SYN3: variants seen among roughly 807,000 people sequenced by gnomAD.
SYN3 encodes the protein synapsin III, also known as synapsin-3.
A neutral mutation model predicts 65.8 loss-of-function variants in SYN3; 35 were observed. The ratio of observed to expected loss-of-function variants is 0.53; its 90% confidence interval spans 0.41 to 0.70. The LOEUF is 0.70. Ranked by LOEUF, SYN3 falls within the 30% of genes least tolerant of loss-of-function variation. SYN3 has a pLI of 0.00. For missense variants in SYN3, 680 were observed against 749.0 expected (o/e 0.91, Z 1.08); for synonymous variants, 270 against 292.9 (o/e 0.92, Z 0.80).
At position 32,554,812 on chromosome 22, in the gene SYN3, C is replaced by CA. The variant is rs200396044; in HGVS notation, c.775-13100dup. Among the ~76,000 whole-genome samples the CA allele has an allele frequency of 4.8e-3, 724 of 151,932 alleles. 3 individuals are homozygous for CA. Among genetic ancestry groups the CA allele is most frequent in the Middle Eastern group, 6.8e-3 (2 of 294 alleles). On this transcript the variant is annotated intron_variant, in intron 7 of 13. Transcript: ENST00000358763. ...TCTAGAAGTAAAATTGCCTTGCTGA[C>CA]AAAAAAAATGCAAGCTCAAATCCCA...
intron 6 of SYN3, among the ~76,000 whole-genome samples, chr22:32,706,758 CT>C (rs1277044739): frequency 6.6e-6 from 1 of 152,262 alleles, no homozygotes; most frequent in African/African-American, 2.4e-5. Flanking sequence ...CCTGACCAGT[CT>C]CTTTCATATG....
At chr22:32,600,391 A>C (rs2059264968) in intron 6 of SYN3, among the ~76,000 whole-genome samples, 1 of 152,160 alleles carries the variant, frequency 6.6e-6, no homozygotes, top group South Asian at 2.1e-4. Context: ...ATACAGATGA[A>C]GCCTCACTCA....
chr22:32,681,970 G>C (rs547795613), intron 6 of SYN3, among the ~76,000 whole-genome samples: 4 of 85,070 alleles, frequency 4.7e-5, no homozygotes, highest in Admixed American at 3.4e-4. Flanking sequence ...GGTGATGTTT[G>C]AGCCGAGACT....
rs1234218648 is a variant in SYN3 at position 32,512,615 on chromosome 22, A to G, written c.*1077T>C. On this transcript the variant is annotated 3_prime_UTR_variant, in exon 14 of 14. Transcript: ENST00000358763. ...TCCGAAAGCCTTTGACATATATTAT[A>G]TACAATGCGTCTCCAAAAAAAGAAA... 1.3e-5 allele frequency: 2 copies of G among 152,248 alleles called. No individual in the cohort carries two copies. The highest frequency in any genetic ancestry group is 2.4e-5 in the African/African-American group (1 of 41,460). The allele number at this position is 152,248 out of a possible 1,614,324, so 9.4% of individuals were successfully genotyped here. A position where few individuals can be genotyped will look rare whatever the true frequency, so the allele number is the denominator to read the frequency against.
intron 6 of SYN3, among the ~76,000 whole-genome samples, chr22:32,863,318 T>C (rs1187732183): frequency 6.6e-6 from 1 of 152,222 alleles, no homozygotes; most frequent in East Asian, 1.9e-4. Context: ...TAATCACCTA[T>C]TGGTGGTACA....
chr22:32,574,029 C>T (rs924247013), intron 7 of SYN3, among the ~76,000 whole-genome samples: 4 of 151,500 alleles, frequency 2.6e-5, no homozygotes, highest in East Asian at 1.9e-4. Context: ...CCTCCCGCCT[C>T]GGCCCCTCAA....
chr22:32,790,867 A>G (rs2046310970), intron 6 of SYN3, among the ~76,000 whole-genome samples: 1 of 152,216 alleles, frequency 6.6e-6, no homozygotes, highest in Non-Finnish European at 1.5e-5. Flanking sequence ...ATCGCAGACA[A>G]GTAATAGTAG....
chr22:32,907,222 C>G (rs1258374162), intron 4 of SYN3, among the ~76,000 whole-genome samples: 2 of 152,210 alleles, frequency 1.3e-5, no homozygotes, highest in Non-Finnish European at 2.9e-5. Context: ...ATCCTCACAA[C>G]ATCCTTCTAA....
intron 6 of SYN3, among the ~76,000 whole-genome samples, chr22:32,709,764 C>T (rs2147239534): frequency 6.6e-6 from 1 of 151,740 alleles, no homozygotes; most frequent in East Asian, 2.0e-4. Context: ...TGGGATTGTT[C>T]TATAAAGGCT....
At chr22:32,873,189 G>C (rs185307832) in intron 4 of SYN3, among the ~76,000 whole-genome samples, 1 of 152,252 alleles carries the variant, frequency 6.6e-6, no homozygotes, top group African/African-American at 2.4e-5. Flanking sequence ...GACCTCAGGT[G>C]ATCTGCCCAC....
At chr22:32,532,815 G>C (rs1045663067) in intron 10 of SYN3, among the ~76,000 whole-genome samples, 12 of 152,210 alleles carry the variant, frequency 7.9e-5, no homozygotes, top group Non-Finnish European at 1.6e-4. Flanking sequence ...CGGCCGCAGG[G>C]CTCTCCCTCA....
chr22:32,833,799 G>GC (rs1374783952), intron 6 of SYN3: 1 of 499,926 alleles, frequency 2.0e-6, no homozygotes, highest in South Asian at 1.4e-5. Context: ...ACTTTATAGG[G>GC]CCCTAGTGAG....
chr22:33,049,924 GT>G (rs66514017), intron 1 of SYN3, among the ~76,000 whole-genome samples: 15,108 of 152,108 alleles, frequency 0.099, 1,091 homozygotes, highest in East Asian at 0.3. Context: ...AGCAGAGGAG[GT>G]TTTCCATAAG....
At chr22:33,014,541 G>A (rs2053422887) in intron 1 of SYN3, 1 of 152,232 alleles carries the variant, frequency 6.6e-6, no homozygotes, top group African/African-American at 2.4e-5. Flanking sequence ...AGCACTTTAG[G>A]AGGCCGAGGT....
At chr22:32,906,036 T>C (rs1478143453) in intron 4 of SYN3, among the ~76,000 whole-genome samples, 1 of 152,064 alleles carries the variant, frequency 6.6e-6, no homozygotes, top group Non-Finnish European at 1.5e-5. Context: ...TAGAGGCCCA[T>C]GGGAAAGACC....
At chr22:32,572,472 T>TCTCCC in intron 7 of SYN3, among the ~76,000 whole-genome samples, 1 of 8,880 alleles carries the variant, frequency 1.1e-4, no homozygotes, top group East Asian at 6.6e-3. Context: ...TCCTTCTTTC[T>TCTCCC]CCTTCCCTCC....
At chr22:32,670,488 CTGA>C (rs1305394262) in intron 6 of SYN3, among the ~76,000 whole-genome samples, 1 of 152,214 alleles carries the variant, frequency 6.6e-6, no homozygotes, top group Non-Finnish European at 1.5e-5. Flanking sequence ...CGCTGGGTCT[CTGA>C]AAAGCTGGAA....
intron 6 of SYN3, among the ~76,000 whole-genome samples, chr22:32,690,937 G>C (rs374681549): frequency 1.3e-5 from 2 of 152,314 alleles, no homozygotes; most frequent in East Asian, 3.9e-4. Flanking sequence ...GTAGGAAAGA[G>C]GAGGTGGCAG....
intron 6 of SYN3, among the ~76,000 whole-genome samples, chr22:32,707,394 C>T (rs1363637284): frequency 1.3e-5 from 2 of 152,202 alleles, no homozygotes; most frequent in Non-Finnish European, 2.9e-5. Flanking sequence ...CTTGTAGTCA[C>T]TTGTGATTCT....
Sources: gnomAD v4.1 joint callset for allele counts (sites outside exome capture counted in the v4.1 genomes callset) on GRCh38, gnomAD v4.1.1 for gene constraint, MANE v1.5 for transcripts, NCBI Gene and HGNC (gene_info 2026-07-23, HGNC 2026-07-21) for gene names.